Variants in FRAS1 observed in about 807,000 individuals in gnomAD.
FRAS1 encodes Fraser extracellular matrix complex subunit 1, also known as extracellular matrix organizing protein FRAS1.
In FRAS1, 290 loss-of-function variants were observed where a neutral mutation model predicts 435.2. The ratio of observed to expected loss-of-function variants is 0.67; its 90% CI spans 0.61 to 0.73. FRAS1 has a LOEUF of 0.73. Among genes scored for constraint, FRAS1 ranks in the 30% least tolerant of loss-of-function variants. The pLI, the probability that FRAS1 is intolerant of heterozygous loss-of-function variation, is 0.00. For synonymous variants in FRAS1, 1,800 were observed against 1,851.0 expected, an observed-to-expected ratio of 0.97 and a Z score of 0.71; for missense variants, 4,860 against 5,001.5, an observed-to-expected ratio of 0.97 and a Z score of 0.85.
intron 49 of FRAS1, 83 bp from the exon 50 acceptor site, chr4:78,466,125 C>A: frequency 9.0e-7 from 1 of 1,111,428 alleles, no homozygotes; most frequent in Non-Finnish European, 1.3e-6. Flanking sequence ...TTCTACTACC[C>A]TTGATCAGCA....
At chr4:78,529,235 G>GAAGGAA (rs1721637952) in intron 70 of FRAS1, among the ~76,000 whole-genome samples, 1 of 152,066 alleles carries the variant, frequency 6.6e-6, no homozygotes, top group African/African-American at 2.4e-5. Context: ...AGGAAGGAAG[G>GAAGGAA]TGACCAGGAA....
intron 35 of FRAS1, among the ~76,000 whole-genome samples, chr4:78,427,818 C>T (rs1489842457): frequency 6.6e-6 from 1 of 152,160 alleles, no homozygotes; most frequent in Non-Finnish European, 1.5e-5. Context: ...AAGGGAAAGA[C>T]AAATCTAAAA....
intron 70 of FRAS1, among the ~76,000 whole-genome samples, chr4:78,534,139 G>A (rs1038288989): frequency 9.3e-4 from 142 of 152,128 alleles, no homozygotes; most frequent in Non-Finnish European, 2.8e-4. Flanking sequence ...ACTCCAAAGC[G>A]GGGAGCACTT....
intron 2 of FRAS1, among the ~76,000 whole-genome samples, chr4:78,234,963 A>T (rs1390951533): frequency 6.6e-6 from 1 of 152,186 alleles, no homozygotes; most frequent in Non-Finnish European, 1.5e-5. Flanking sequence ...AGGCAGAGAG[A>T]TTTATTTTAA....
chr4:78,203,603 T>A (rs1363969452), intron 2 of FRAS1, among the ~76,000 whole-genome samples: 1 of 152,128 alleles, frequency 6.6e-6, no homozygotes, highest in Non-Finnish European at 1.5e-5. Flanking sequence ...TTTCGTTCTT[T>A]TTACCCAAGC....
At chr4:78,237,721 A>T in intron 3 of FRAS1, 104 bp downstream of exon 3, 1 of 498,264 alleles carries the variant, frequency 2.0e-6, no homozygotes, top group Non-Finnish European at 3.5e-6. Flanking sequence ...TCTAATCTCT[A>T]CCTGGGAGCT....
intron 38 of FRAS1, among the ~76,000 whole-genome samples, chr4:78,434,627 T>C (rs940125307): frequency 3.9e-5 from 6 of 152,160 alleles, no homozygotes; most frequent in Admixed American, 6.5e-5. Flanking sequence ...ATGCTATGAC[T>C]GACTATGTAG....
chr4:78,240,053 AT>A (rs200759045), intron 3 of FRAS1, among the ~76,000 whole-genome samples: 2,751 of 147,736 alleles, frequency 0.019, 49 homozygotes, highest in African/African-American at 0.048. Flanking sequence ...GCACTCAATA[AT>A]TTTTTTTTTT....
Position 78,122,143 on chromosome 4 carries a change from C to T in FRAS1, c.108+56127C>T, listed in dbSNP as rs4482793. ...CTATCCCCTAGCCCCCCATCCCCCACAGGCCCCAGTGTGTGATGTTCCCTT... is the reference window on the plus strand; with the variant it reads ...CTATCCCCTAGCCCCCCATCCCCCATAGGCCCCAGTGTGTGATGTTCCCTT... On this transcript the variant is annotated intron_variant, in intron 2 of 73. Coordinates refer to ENST00000512123, the MANE Select transcript of FRAS1 (RefSeq NM_025074.7). Among the ~76,000 whole-genome samples the T allele has an allele frequency of 9.8e-3, 1,488 of 152,228 alleles. 13 individuals carry two copies. The highest frequency in any genetic ancestry group is 0.017 in the Admixed American group (267 of 15,294).
intron 14 of FRAS1, among the ~76,000 whole-genome samples, chr4:78,304,000 G>A (rs921765049): frequency 5.3e-5 from 8 of 151,930 alleles, no homozygotes; most frequent in Non-Finnish European, 1.2e-4. Context: ...GTTTGTCATA[G>A]ATAGCTCTTA....
At chr4:78,472,083 G>T in intron 51 of FRAS1, 97 bp from the exon 52 acceptor site, 2 of 1,272,424 alleles carry the variant, frequency 1.6e-6, no homozygotes, top group Non-Finnish European at 2.3e-6. Context: ...AATACACTCA[G>T]TAAATCATTG....
At chr4:78,502,880 A>C (rs1720724619) in intron 61 of FRAS1, among the ~76,000 whole-genome samples, 1 of 152,190 alleles carries the variant, frequency 6.6e-6, no homozygotes, top group African/African-American at 2.4e-5. Context: ...TTATTTTGAG[A>C]TACATTCCAT....
chr4:78,196,515 T>C (rs1490802996), intron 2 of FRAS1, among the ~76,000 whole-genome samples: 3 of 152,238 alleles, frequency 2.0e-5, no homozygotes, highest in African/African-American at 4.8e-5. Flanking sequence ...TTATATACTT[T>C]AGAATAATCC....
chr4:78,315,044 G>A (rs1729182076), intron 15 of FRAS1, among the ~76,000 whole-genome samples: 1 of 152,140 alleles, frequency 6.6e-6, no homozygotes, highest in African/African-American at 2.4e-5. Flanking sequence ...ACAGACCTTA[G>A]CATATGTTTT....
intron 29 of FRAS1, among the ~76,000 whole-genome samples, chr4:78,400,111 T>C (rs930725599): frequency 6.6e-6 from 1 of 152,244 alleles, no homozygotes; most frequent in South Asian, 2.1e-4. Context: ...TCACTTAAGC[T>C]GGGCCCTCTG....
chr4:78,443,174 C>A (rs903035326), intron 41 of FRAS1, among the ~76,000 whole-genome samples: 7 of 152,092 alleles, frequency 4.6e-5, no homozygotes, highest in African/African-American at 1.4e-4. Context: ...CATAGCAAGA[C>A]CTTGTCTCCA....
chr4:78,169,211 G>C (rs1721454838), intron 2 of FRAS1, among the ~76,000 whole-genome samples: 1 of 152,024 alleles, frequency 6.6e-6, no homozygotes, highest in Non-Finnish European at 1.5e-5. Context: ...ATGTTCCTGA[G>C]GTCTGGTAGT....
chr4:78,192,713 C>G (rs1463657005), intron 2 of FRAS1, among the ~76,000 whole-genome samples: 3 of 152,066 alleles, frequency 2.0e-5, no homozygotes, highest in Non-Finnish European at 2.9e-5. Flanking sequence ...TTGATCTTTT[C>G]AAAAAACCAG....
intron 19 of FRAS1, among the ~76,000 whole-genome samples, chr4:78,335,988 C>T (rs1015031378): frequency 4.7e-5 from 7 of 149,316 alleles, no homozygotes; most frequent in East Asian, 4.0e-4. Flanking sequence ...ACAGTTGGGG[C>T]CTGCTGATAG....
Sources: gnomAD v4.1 joint callset for allele counts (sites outside exome capture counted in the v4.1 genomes callset) on GRCh38, gnomAD v4.1.1 for gene constraint, MANE v1.5 for transcripts, NCBI Gene and HGNC (gene_info 2026-07-23, HGNC 2026-07-21) for gene names.